ATM: variants seen among roughly 807,000 people sequenced by gnomAD.
ATM encodes the protein ATM serine/threonine kinase.
Under a neutral mutation model 387.0 loss-of-function variants are expected in ATM, and 308 were observed. The observed-to-expected ratio is 0.80, with a 90% confidence interval of 0.73 to 0.87. ATM has a LOEUF of 0.87. Ranked by LOEUF, ATM falls within the 40% of genes least tolerant of loss-of-function variation. ATM has a pLI of 0.00. For missense variants in ATM, 3,312 were observed against 3,560.9 expected (o/e 0.93, Z 1.78); for synonymous variants, 1,156 against 1,187.3 (o/e 0.97, Z 0.54).
intron 42 of ATM, among the ~76,000 whole-genome samples, chr11:108,316,753 CAAAAAAA>C (rs58165074): frequency 2.2e-4 from 16 of 72,428 alleles, no homozygotes; most frequent in Middle Eastern, 0.011. Context: ...ACTAAAAATA[CAAAAAAA>C]AAAAAAAAAA....
intron 4 of ATM, among the ~76,000 whole-genome samples, chr11:108,232,156 T>G (rs2079046973): frequency 6.6e-6 from 1 of 152,232 alleles, no homozygotes; most frequent in South Asian, 2.1e-4. Flanking sequence ...TGAAAATGCA[T>G]CAGCCTGTTG....
At chr11:108,364,122 G>A (rs1013183782) in intron 61 of ATM, among the ~76,000 whole-genome samples, 3 of 152,162 alleles carry the variant, frequency 2.0e-5, no homozygotes, top group African/African-American at 7.2e-5. Flanking sequence ...TTTTGGTTCT[G>A]CTAATCTAGT....
At chr11:108,286,167 A>C (rs770321436) in intron 26 of ATM, among the ~76,000 whole-genome samples, 14 of 151,572 alleles carry the variant, frequency 9.2e-5, no homozygotes, top group Non-Finnish European at 1.6e-4. Context: ...CCCCATCTCT[A>C]CTGGGTGTGG....
At chr11:108,260,792 G>A (rs989576976) in intron 16 of ATM, among the ~76,000 whole-genome samples, 13 of 152,198 alleles carry the variant, frequency 8.5e-5, no homozygotes, top group African/African-American at 1.9e-4. Flanking sequence ...CGCACCGTGC[G>A]CGAGCCGAAG....
chr11:108,350,254 T>A (rs1349136406), intron 59 of ATM, among the ~76,000 whole-genome samples: 1 of 152,044 alleles, frequency 6.6e-6, no homozygotes, highest in East Asian at 1.9e-4. Flanking sequence ...AAATGGGAGA[T>A]GTGGTGGAGG....
intron 16 of ATM, among the ~76,000 whole-genome samples, chr11:108,265,399 A>G (rs963836697): frequency 2.6e-5 from 4 of 152,030 alleles, no homozygotes; most frequent in East Asian, 1.9e-4. Context: ...TCCCTATTTA[A>G]TAAATGGTGC....
In ATM at chr11:108,345,830, A is replaced by G. The variant is rs879253968; in HGVS notation, c.8506A>G (p.Met2836Val). ...TCAACCAGTTTTCCGTTACTTCTGC[A>G]TGGAAAAATTCTTGGATCCAGCTAT... The part of the protein sequence containing the change: ...NFQPVFRYFC[M>V]EKFLDPAIWF... Residue 2836 changes from methionine to valine, a missense_variant, in exon 58 of 63, where the codon ATG becomes GTG. Physicochemically the swap from Met to Val is conservative, Grantham distance 21 (BLOSUM62 1). Transcript: ENST00000675843. 1.2e-6 allele frequency: 2 copies of G among 1,613,928 alleles called. No homozygotes were observed. The highest frequency in any genetic ancestry group is 8.5e-7 in the Non-Finnish European group (1 of 1,179,876).
chr11:108,314,580 T>TG (rs2084457482), intron 40 of ATM, among the ~76,000 whole-genome samples: 2 of 152,078 alleles, frequency 1.3e-5, no homozygotes, highest in Admixed American at 6.5e-5. Context: ...CAGTCTACTG[T>TG]GTTGCTGATC....
At chr11:108,310,978 G>A (rs981765263) in intron 39 of ATM, among the ~76,000 whole-genome samples, 55 of 152,178 alleles carry the variant, frequency 3.6e-4, no homozygotes, top group Admixed American at 2.7e-3. Flanking sequence ...ATGTTTGTTC[G>A]TTTGAAATGG....
At chr11:108,342,577 A>G (rs1424340024) in intron 56 of ATM, among the ~76,000 whole-genome samples, 2 of 152,094 alleles carry the variant, frequency 1.3e-5, no homozygotes, top group Non-Finnish European at 2.9e-5. Flanking sequence ...CACAAGGGGG[A>G]GCTTCATCTC....
chr11:108,329,414 T>G (rs997582963), intron 49 of ATM, 176 bp downstream of exon 49: 10 of 509,252 alleles, frequency 2.0e-5, no homozygotes, highest in East Asian at 3.8e-5. Context: ...TTGTTTTTTG[T>G]TTTTTTTTTT....
chr11:108,273,411 G>A (rs1345290574), intron 22 of ATM, among the ~76,000 whole-genome samples: 8 of 131,544 alleles, frequency 6.1e-5, no homozygotes, highest in Non-Finnish European at 1.1e-4. Flanking sequence ...GTGTGATCTC[G>A]GTTCACTTCA....
At chr11:108,293,895 ATATATATAT>A (rs1344505597) in intron 31 of ATM, among the ~76,000 whole-genome samples, 3 of 92,832 alleles carry the variant, frequency 3.2e-5, no homozygotes, top group Middle Eastern at 5.8e-3. Context: ...AAAAAAAAAA[ATATATATAT>A]ATATATATAT....
chr11:108,302,806 T>A (rs779717782), intron 35 of ATM, 47 bp from the exon 36 acceptor site: 16 of 1,531,408 alleles, frequency 1.0e-5, no homozygotes, highest in Non-Finnish European at 1.4e-5. Context: ...AAAGGTACAA[T>A]GATTTCCACT....
chr11:108,345,194 G>A (rs2088168877), intron 57 of ATM, among the ~76,000 whole-genome samples: 1 of 152,164 alleles, frequency 6.6e-6, no homozygotes, highest in Admixed American at 6.5e-5. Context: ...AGCTTGAGAA[G>A]CACATTAAGC....
chr11:108,272,909 C>G, intron 22 of ATM, 57 bp downstream of exon 22: 1 of 1,606,150 alleles, frequency 6.2e-7, no homozygotes. Context: ...AGTAGAATGT[C>G]TTACATAGTA....
At chr11:108,266,289 G>A (rs1210459517) in intron 16 of ATM, among the ~76,000 whole-genome samples, 1 of 151,762 alleles carries the variant, frequency 6.6e-6, no homozygotes, top group Non-Finnish European at 1.5e-5. Context: ...ATACACCATG[G>A]AATACTATGC....
In ATM at chr11:108,250,877, A is replaced by G; in HGVS notation, c.1412A>G (p.Asn471Ser). 2 of 1,614,148 alleles carry G rather than the reference A, an allele frequency of 1.2e-6. No homozygotes were observed. Among genetic ancestry groups the G allele is most frequent in the Non-Finnish European group, 1.7e-6 (2 of 1,180,026 alleles). ...EVALCQDKRS[N>S]LESSQKSDLL... Reference sequence around the variant, plus strand: ...GCATTGTGTCAAGACAAGAGGTCAAACCTAGAAAGCTCACAAAAGTCAGAT... The same window carrying G: ...GCATTGTGTCAAGACAAGAGGTCAAGCCTAGAAAGCTCACAAAAGTCAGAT... Residue 471 changes from asparagine to serine, a missense_variant, in exon 10 of 63, where the codon AAC (asparagine) becomes AGC (serine). This residue lies in a region of ATM where 1,791 missense variants were observed against 1,804.5 expected (regional missense o/e 0.99). Transcript: ENST00000675843.
At chr11:108,242,803 A>G (rs970590526) in intron 5 of ATM, among the ~76,000 whole-genome samples, 6 of 152,214 alleles carry the variant, frequency 3.9e-5, no homozygotes, top group African/African-American at 1.4e-4. Flanking sequence ...TGATGCAAAA[A>G]TGAAGGTAGT....
Sources: allele counts gnomAD v4.1 joint callset (sites outside exome capture counted in the v4.1 genomes callset), GRCh38; gene constraint gnomAD v4.1.1; regional missense constraint gnomAD v4.1.1; transcripts MANE v1.5; gene names NCBI Gene and HGNC (gene_info 2026-07-23, HGNC 2026-07-21).